KCNMA1: variants seen among roughly 807,000 people sequenced by gnomAD.
KCNMA1 encodes the protein Calcium-activated potassium channel subunit alpha-1.
A neutral mutation model predicts 140.0 loss-of-function variants in KCNMA1; 29 were observed. That is an observed-to-expected ratio of 0.21 (90% CI 0.15 to 0.28). KCNMA1 has a LOEUF of 0.28. Among genes scored for constraint, KCNMA1 ranks in the 10% least tolerant of loss-of-function variants. The probability of loss-of-function intolerance (pLI) is 1.00; values close to 1 mark genes in which losing one functional copy is unlikely to be tolerated. For synonymous variants in KCNMA1, 612 were observed against 611.9 expected (o/e 1.00, Z 0.00); for missense variants, 880 against 1,602.2 (o/e 0.55, Z 7.70).
chr10:76,988,402 C>T (rs1157034044), intron 19 of KCNMA1, among the ~76,000 whole-genome samples: 1 of 152,090 alleles, frequency 6.6e-6, no homozygotes, highest in Non-Finnish European at 1.5e-5. Flanking sequence ...GTGGTGCACG[C>T]CTGTAGTCTT....
At chr10:77,589,425 C>G (rs934786602) in intron 1 of KCNMA1, among the ~76,000 whole-genome samples, 2 of 152,114 alleles carry the variant, frequency 1.3e-5, no homozygotes, top group Admixed American at 6.5e-5. Context: ...GCACAAACAA[C>G]GTGGCCTCTC....
chr10:77,432,264 C>T (rs75821820), intron 1 of KCNMA1, among the ~76,000 whole-genome samples: 1,725 of 152,320 alleles, frequency 0.011, 20 homozygotes, highest in Non-Finnish European at 0.018. Flanking sequence ...TGTTCCTTCA[C>T]TTAATCAGTC....
chr10:77,127,973 C>A (rs931275874), intron 5 of KCNMA1, among the ~76,000 whole-genome samples: 4 of 150,822 alleles, frequency 2.7e-5, no homozygotes, highest in Non-Finnish European at 5.9e-5. Context: ...GAGTCCATCT[C>A]AAAAAAATTA....
intron 2 of KCNMA1, among the ~76,000 whole-genome samples, chr10:77,330,666 A>G (rs1473498368): frequency 6.6e-6 from 1 of 152,178 alleles, no homozygotes; most frequent in African/African-American, 2.4e-5. Context: ...AGAGATTGAC[A>G]TGACTTGCTA....
At position 77,598,032 on chromosome 10, in the gene KCNMA1, C is replaced by T. The variant is rs149368931; in HGVS notation, c.378+39233G>A. ...TGCCACCCAGGCTGGAGTGCAGTGG[C>T]GCGATCTCGGTTCACTGCAACCTCC... On this transcript the variant is annotated intron_variant, in intron 1 of 27. Coordinates refer to ENST00000286628, the MANE Select transcript of KCNMA1 (RefSeq NM_001161352.2). 2.3e-3 allele frequency among the ~76,000 whole-genome samples: 354 copies of T among 152,214 alleles called. 7 individuals carry two copies. In the South Asian group the frequency reaches 0.025, roughly 11 times the overall value.
At chr10:77,497,739 C>T (rs1437059038) in intron 1 of KCNMA1, among the ~76,000 whole-genome samples, 1 of 152,168 alleles carries the variant, frequency 6.6e-6, no homozygotes, top group Admixed American at 6.5e-5. Context: ...ATCCAGTGCT[C>T]CCAGTCCTCT....
chr10:77,045,669 T>C (rs1346209773), intron 14 of KCNMA1, among the ~76,000 whole-genome samples: 2 of 152,236 alleles, frequency 1.3e-5, no homozygotes, highest in East Asian at 3.9e-4. Flanking sequence ...TCTGTGTGTG[T>C]CACTAATGGT....
intron 5 of KCNMA1, among the ~76,000 whole-genome samples, chr10:77,121,468 T>C (rs1263820328): frequency 6.6e-6 from 1 of 152,176 alleles, no homozygotes; most frequent in Admixed American, 6.5e-5. Context: ...TAACCTTATG[T>C]CTTTGATGGA....
At chr10:76,897,011 T>TACACACACACACACAC (rs3067677) in intron 25 of KCNMA1, among the ~76,000 whole-genome samples, 2 of 142,718 alleles carry the variant, frequency 1.4e-5, no homozygotes, top group African/African-American at 2.6e-5. Context: ...AGGTGAAAAT[T>TACACACACACACACAC]ACACACACAC....
At chr10:77,411,739 C>T (rs2096624143) in intron 1 of KCNMA1, among the ~76,000 whole-genome samples, 1 of 152,190 alleles carries the variant, frequency 6.6e-6, no homozygotes, top group South Asian at 2.1e-4. Flanking sequence ...GGGCCCTGTG[C>T]CTATGGAGGG....
At position 76,887,030 on chromosome 10, in the gene KCNMA1, TC is replaced by T. The variant is rs2037345771; in HGVS notation, c.*235del. The T allele has an allele frequency of 2.2e-6, 3 of 1,390,330 alleles. No homozygotes were observed. The highest frequency in any genetic ancestry group is 5.0e-5 in the Admixed American group (2 of 39,716). 86.1% of individuals were successfully genotyped at this position (1,390,330 alleles called of 1,614,324 possible). On this transcript the variant is annotated 3_prime_UTR_variant, in exon 28 of 28. Transcript: ENST00000286628. Reference sequence around the variant, plus strand: ...CTGGAGCATGCCTTTGGGTTATTTTTCCCCCAGAATCATAAATAACTTTTGG... The same window carrying T: ...CTGGAGCATGCCTTTGGGTTATTTTTCCCCAGAATCATAAATAACTTTTGG...
At chr10:76,895,357 C>T (rs1241525500) in intron 25 of KCNMA1, among the ~76,000 whole-genome samples, 5 of 152,168 alleles carry the variant, frequency 3.3e-5, no homozygotes, top group African/African-American at 4.8e-5. Context: ...GCTACACAGT[C>T]ACTTTGGAAA....
chr10:77,008,100 C>G, intron 18 of KCNMA1: 2 of 1,333,800 alleles, frequency 1.5e-6, no homozygotes, highest in Non-Finnish European at 2.1e-6. Context: ...GAAACTAAAA[C>G]TGTACAGAAA....
intron 1 of KCNMA1, among the ~76,000 whole-genome samples, chr10:77,496,746 G>A (rs2042107085): frequency 6.6e-6 from 1 of 151,968 alleles, no homozygotes; most frequent in Non-Finnish European, 1.5e-5. Context: ...TTTACATACA[G>A]GTAAGGTAAC....
chr10:77,265,379 G>A (rs1180231722), intron 2 of KCNMA1, among the ~76,000 whole-genome samples: 2 of 152,142 alleles, frequency 1.3e-5, no homozygotes, highest in African/African-American at 4.8e-5. Flanking sequence ...TAAGTTTCAG[G>A]TGATGCTGAT....
intron 1 of KCNMA1, among the ~76,000 whole-genome samples, chr10:77,446,693 T>C (rs947291645): frequency 6.6e-6 from 1 of 152,232 alleles, no homozygotes; most frequent in Non-Finnish European, 1.5e-5. Flanking sequence ...TAAGTTGACC[T>C]GACTTCCTTA....
chr10:77,053,610 G>T (rs1307316578), intron 14 of KCNMA1, among the ~76,000 whole-genome samples: 1 of 152,178 alleles, frequency 6.6e-6, no homozygotes, highest in African/African-American at 2.4e-5. Context: ...ATTTACAAAA[G>T]TGTTGGCAAC....
chr10:77,138,432 C>T (rs1386022354), intron 5 of KCNMA1, among the ~76,000 whole-genome samples: 1 of 152,054 alleles, frequency 6.6e-6, no homozygotes, highest in African/African-American at 2.4e-5. Context: ...TCTGACTTTA[C>T]ATCTTAAATA....
chr10:77,091,824 A>T lies in KCNMA1; in HGVS notation c.1224-1314T>A, dbSNP rs575356131. 3 of 152,370 alleles carry T rather than the reference A, an allele frequency of 2.0e-5. No homozygotes were observed. The South Asian group carries it at 6.2e-4, about 32-fold the overall frequency. The allele number at this position is 152,370 out of a possible 1,614,324, so 9.4% of individuals were successfully genotyped here. On this transcript the variant is annotated intron_variant, in intron 9 of 27. Coordinates refer to ENST00000286628, the MANE Select transcript of KCNMA1 (RefSeq NM_001161352.2). ...GATGGCTTATGCAATGTTCCATTAG[A>T]TGCCATTATAAGAGCCTGCCCTTTC...
Sources: gnomAD v4.1 joint callset for allele counts (sites outside exome capture counted in the v4.1 genomes callset) on GRCh38, gnomAD v4.1.1 for gene constraint, MANE v1.5 for transcripts, NCBI Gene and HGNC (gene_info 2026-07-23, HGNC 2026-07-21) for gene names.